Variants in GRB10 observed in about 807,000 individuals in gnomAD.
GRB10 encodes growth factor receptor bound protein 10.
A neutral mutation model predicts 80.9 loss-of-function variants in GRB10; 20 were observed. The ratio of observed to expected loss-of-function variants is 0.25; its 90% confidence interval spans 0.17 to 0.36. The LOEUF is 0.36. Ranked by LOEUF, GRB10 falls within the 10% of genes least tolerant of loss-of-function variation. The probability of loss-of-function intolerance (pLI) is 1.00; values close to 1 mark genes in which losing one functional copy is unlikely to be tolerated. For synonymous variants in GRB10, 291 were observed against 291.5 expected (o/e 1.00, Z 0.02); for missense variants, 548 against 747.7 (o/e 0.73, Z 3.12).
At chr7:50,783,910 A>C (rs967355400), upstream of GRB10, among the ~76,000 whole-genome samples, 1 of 152,198 alleles carries the variant, frequency 6.6e-6, no homozygotes, top group East Asian at 1.9e-4. Context: ...CTGGAGGAGG[A>C]GGCTGGAAAA....
chr7:50,744,524 A>G (rs1216412439), intron 3 of GRB10, among the ~76,000 whole-genome samples: 1 of 152,222 alleles, frequency 6.6e-6, no homozygotes, highest in Non-Finnish European at 1.5e-5. Flanking sequence ...TCAATAACAG[A>G]AAGTCATTAA....
chr7:50,663,815 C>A (rs2059529391), intron 7 of GRB10, among the ~76,000 whole-genome samples: 1 of 152,238 alleles, frequency 6.6e-6, no homozygotes, highest in Non-Finnish European at 1.5e-5. Context: ...TCAGGGAAAG[C>A]CCCTGGCATG....
chr7:50,725,865 A>T (rs2068557834), intron 4 of GRB10: 1 of 152,162 alleles, frequency 6.6e-6, no homozygotes, highest in Non-Finnish European at 1.5e-5. Flanking sequence ...TAGCACCCCC[A>T]ATCAAATAGA....
intron 3 of GRB10, among the ~76,000 whole-genome samples, chr7:50,752,218 G>T (rs776531772): frequency 9.9e-5 from 15 of 152,034 alleles, no homozygotes; most frequent in Non-Finnish European, 1.8e-4. Context: ...AAGTTATTAG[G>T]GGGGAAAAAA....
intron 2 of GRB10, among the ~76,000 whole-genome samples, chr7:50,780,371 C>A (rs1305418422): frequency 6.6e-6 from 1 of 152,118 alleles, no homozygotes; most frequent in Non-Finnish European, 1.5e-5. Context: ...TGCTCCCAGA[C>A]CTCCTAGGGT....
chr7:50,792,617 C>A, intron 1 of GRB10: 2 of 397,620 alleles, frequency 5.0e-6, no homozygotes, highest in Admixed American at 8.8e-5. Flanking sequence ...GTGTTAGGCC[C>A]CAGCGGCGGC....
chr7:50,604,216 G>T, intron 16 of GRB10, 95 bp downstream of exon 16: 2 of 1,309,652 alleles, frequency 1.5e-6, no homozygotes, highest in Middle Eastern at 1.9e-4. Flanking sequence ...GTGCACTCTG[G>T]CCACAGGCAA....
chr7:50,738,374 C>G (rs774127030), intron 3 of GRB10, among the ~76,000 whole-genome samples: 2 of 152,174 alleles, frequency 1.3e-5, no homozygotes, highest in Admixed American at 6.5e-5. Flanking sequence ...AAGGTGGAAG[C>G]AACCTAAGTG....
chr7:50,595,297 A>G, intron 18 of GRB10, 140 bp downstream of exon 18: 1 of 689,988 alleles, frequency 1.4e-6, no homozygotes, highest in Non-Finnish European at 2.6e-6. Context: ...ACCTGTAAAG[A>G]AATTCTTGAA....
At chr7:50,746,516 A>G (rs2072938580) in intron 3 of GRB10, among the ~76,000 whole-genome samples, 1 of 152,166 alleles carries the variant, frequency 6.6e-6, no homozygotes. Context: ...CTCTGGTGAC[A>G]CTGCCAGACC....
intron 6 of GRB10, among the ~76,000 whole-genome samples, chr7:50,674,146 T>C (rs1409480154): frequency 6.6e-6 from 1 of 152,154 alleles, no homozygotes; most frequent in African/African-American, 2.4e-5. Flanking sequence ...TCCAGAGATT[T>C]TTCCTCTGGT....
chr7:50,718,921 T>G (rs1178877301), intron 4 of GRB10, among the ~76,000 whole-genome samples: 1 of 152,146 alleles, frequency 6.6e-6, no homozygotes, highest in Non-Finnish European at 1.5e-5. Context: ...TTTCAGAGAC[T>G]TGGAGTATCC....
intron 9 of GRB10, 127 bp from the exon 10 acceptor site, chr7:50,618,266 G>A: frequency 1.3e-6 from 1 of 742,910 alleles, no homozygotes; most frequent in Admixed American, 2.1e-5. Context: ...TATTTAAAAT[G>A]GCGGTCCTTT....
chr7:50,715,426 G>A (rs966054461), intron 4 of GRB10, among the ~76,000 whole-genome samples: 1 of 152,176 alleles, frequency 6.6e-6, no homozygotes, highest in African/African-American at 2.4e-5. Context: ...ACTTTTCCCA[G>A]TAAGACCAAA....
intron 3 of GRB10, among the ~76,000 whole-genome samples, chr7:50,754,458 C>A (rs1174250001): frequency 6.6e-6 from 1 of 152,152 alleles, no homozygotes; most frequent in Non-Finnish European, 1.5e-5. Context: ...TCATGCATGA[C>A]CAGGGCGGGA....
intron 5 of GRB10, among the ~76,000 whole-genome samples, chr7:50,675,077 G>C (rs897023349): frequency 1.3e-5 from 2 of 152,146 alleles, no homozygotes; most frequent in Admixed American, 6.5e-5. Context: ...CCCTTCCCTG[G>C]GATTCCAGAA....
intron 4 of GRB10, among the ~76,000 whole-genome samples, chr7:50,715,195 C>T (rs2066659302): frequency 6.6e-6 from 1 of 151,558 alleles, no homozygotes; most frequent in Admixed American, 6.6e-5. Flanking sequence ...CTGGGGCTCC[C>T]AGGTGTGGCA....
At chr7:50,606,523 T>C in intron 13 of GRB10, 109 bp from the exon 14 acceptor site, 2 of 796,460 alleles carry the variant, frequency 2.5e-6, no homozygotes, top group African/African-American at 1.7e-5. Context: ...CAGGGAGTGA[T>C]GCCCTGTACC....
At chr7:50,687,976 G>C (rs1337697549) in intron 5 of GRB10, among the ~76,000 whole-genome samples, 1 of 152,230 alleles carries the variant, frequency 6.6e-6, no homozygotes. Flanking sequence ...TGCAGTGTAT[G>C]CTGGTGAAAA....
Sources: gnomAD v4.1 joint callset for allele counts (sites outside exome capture counted in the v4.1 genomes callset) on GRCh38, gnomAD v4.1.1 for gene constraint, MANE v1.5 for transcripts, NCBI Gene and HGNC (gene_info 2026-07-23, HGNC 2026-07-21) for gene names.